SHISA9: variants seen among roughly 807,000 people sequenced by gnomAD.
SHISA9 encodes the protein protein shisa-9.
Under a neutral mutation model 38.0 loss-of-function variants are expected in SHISA9, and 13 were observed. The observed-to-expected ratio is 0.34, with a 90% CI of 0.22 to 0.54. The LOEUF (loss-of-function observed/expected upper bound fraction) is 0.54, where lower values mean the gene tolerates loss of function less well. SHISA9 is among the 20% of genes least tolerant of loss of function. SHISA9 has a pLI of 0.91. For missense variants in SHISA9, 538 were observed against 575.8 expected (o/e 0.93, Z 0.67); for synonymous variants, 275 against 242.0 (o/e 1.14, Z -1.27).
chr16:12,938,279 G>C (rs7499101), intron 2 of SHISA9, among the ~76,000 whole-genome samples: 36,792 of 152,088 alleles, frequency 0.24, 4,870 homozygotes, highest in East Asian at 0.35. Flanking sequence ...ACCATAGTGG[G>C]GCTATCAATG....
At chr16:13,174,970 G>T (rs924857855) in intron 2 of SHISA9, among the ~76,000 whole-genome samples, 4 of 152,186 alleles carry the variant, frequency 2.6e-5, no homozygotes, top group African/African-American at 7.2e-5. Flanking sequence ...CCTCAGCACA[G>T]GACACAAAAA....
chr16:13,371,900 T>C, the SHISA9 span, among the ~76,000 whole-genome samples: 1 of 152,326 alleles, frequency 6.6e-6, no homozygotes, highest in South Asian at 2.1e-4. Context: ...GGATTCCAAC[T>C]TGACTTCTCA....
chr16:13,328,539 A>G, the SHISA9 span, among the ~76,000 whole-genome samples: 1 of 148,064 alleles, frequency 6.8e-6, no homozygotes, highest in Admixed American at 6.8e-5. Flanking sequence ...CAGCCTTCTG[A>G]GTAGCTAGAA....
chr16:12,983,316 A>G (rs1450756321), intron 2 of SHISA9, among the ~76,000 whole-genome samples: 4 of 151,806 alleles, frequency 2.6e-5, no homozygotes. Flanking sequence ...AATTTCTTCA[A>G]CCTCTTGGAA....
chr16:13,019,827 TCTTTCTTTTTC>T (rs2072808674), intron 2 of SHISA9, among the ~76,000 whole-genome samples: 1 of 117,922 alleles, frequency 8.5e-6, no homozygotes, highest in African/African-American at 3.4e-5. Context: ...TTTCTTTCTT[TCTTTCTTTTTC>T]CTTCCTTCCC....
At chr16:13,158,016 G>A (rs1208528772) in intron 2 of SHISA9, among the ~76,000 whole-genome samples, 1 of 152,166 alleles carries the variant, frequency 6.6e-6, no homozygotes, top group African/African-American at 2.4e-5. Context: ...TCAGAAAGGG[G>A]TGGTGGAGAA....
chr16:12,946,693 C>T (rs945930265), intron 2 of SHISA9, among the ~76,000 whole-genome samples: 15 of 152,236 alleles, frequency 9.9e-5, no homozygotes, highest in South Asian at 2.1e-4. Context: ...GGTTGGGGGC[C>T]GAGTAATTTC....
chr16:13,177,625 C>A (rs2050742817), intron 2 of SHISA9, among the ~76,000 whole-genome samples: 1 of 151,942 alleles, frequency 6.6e-6, no homozygotes, highest in Non-Finnish European at 1.5e-5. Flanking sequence ...AGATTACTGG[C>A]TCCTGGAGGC....
chr16:13,276,815 T>A, the SHISA9 span, among the ~76,000 whole-genome samples: 1 of 152,150 alleles, frequency 6.6e-6, no homozygotes, highest in Non-Finnish European at 1.5e-5. Context: ...TTCCGGATAT[T>A]AGTTCTTTTC....
intron 2 of SHISA9, among the ~76,000 whole-genome samples, chr16:12,945,688 A>T (rs762876990): frequency 6.6e-5 from 10 of 152,250 alleles, no homozygotes; most frequent in South Asian, 4.1e-4. Context: ...AAAAATTGGA[A>T]TGATAATATC....
intron 2 of SHISA9, among the ~76,000 whole-genome samples, chr16:12,988,630 T>G (rs147456982): frequency 0.015 from 2,341 of 152,152 alleles, 59 homozygotes; most frequent in African/African-American, 0.052. Flanking sequence ...GTTCAACCGA[T>G]TCTCCTCCCT....
At chr16:12,947,746 T>C (rs1394652535) in intron 2 of SHISA9, among the ~76,000 whole-genome samples, 1 of 152,080 alleles carries the variant, frequency 6.6e-6, no homozygotes, top group African/African-American at 2.4e-5. Context: ...AGGAAAGAAC[T>C]CCCTGCCCCT....
chr16:13,538,375 A>G, the SHISA9 span, among the ~76,000 whole-genome samples: 1 of 152,242 alleles, frequency 6.6e-6, no homozygotes. Flanking sequence ...TGGTAACAGT[A>G]CAAGAAAAAT....
chr16:13,562,732 G>A, the SHISA9 span: 1 of 151,782 alleles, frequency 6.6e-6, no homozygotes, highest in Non-Finnish European at 1.5e-5. Flanking sequence ...GGCAGAAGAA[G>A]GATTCTATGG....
At chr16:13,165,042 G>T (rs1293549824) in intron 2 of SHISA9, among the ~76,000 whole-genome samples, 1 of 152,084 alleles carries the variant, frequency 6.6e-6, no homozygotes, top group Admixed American at 6.5e-5. Context: ...CAGCAATTTA[G>T]TTAAGGTATG....
At chr16:13,094,191 C>T (rs1158308359) in intron 2 of SHISA9, among the ~76,000 whole-genome samples, 3 of 152,120 alleles carry the variant, frequency 2.0e-5, no homozygotes, top group Admixed American at 1.3e-4. Flanking sequence ...ATTTCCCAAC[C>T]GTGCTCCTCT....
At chr16:12,997,529 C>T (rs1055532528) in intron 2 of SHISA9, among the ~76,000 whole-genome samples, 4 of 151,600 alleles carry the variant, frequency 2.6e-5, no homozygotes, top group South Asian at 2.1e-4. Flanking sequence ...ACCTTAGCCT[C>T]GCCAGTAGCT....
intron 2 of SHISA9, among the ~76,000 whole-genome samples, chr16:13,049,576 T>A (rs2073227343): frequency 2.0e-5 from 3 of 152,210 alleles, no homozygotes; most frequent in African/African-American, 7.2e-5. Context: ...TGGGCCTGGC[T>A]GCATGTGTTG....
At chr16:13,431,763 AT>A in the SHISA9 span, among the ~76,000 whole-genome samples, 1 of 152,174 alleles carries the variant, frequency 6.6e-6, no homozygotes, top group Non-Finnish European at 1.5e-5. Flanking sequence ...TATGTATTTA[AT>A]TTGAATAACA....
Sources: allele counts gnomAD v4.1 joint callset (sites outside exome capture counted in the v4.1 genomes callset), GRCh38; gene constraint gnomAD v4.1.1; transcripts MANE v1.5; gene names NCBI Gene and HGNC (gene_info 2026-07-23, HGNC 2026-07-21).